NKD2: variants seen among roughly 807,000 people sequenced by gnomAD.
NKD2 encodes NKD inhibitor of Wnt signaling pathway 2, also known as protein naked cuticle homolog 2.
NKD2 carries 43 observed loss-of-function variants against 34.8 expected under a neutral mutation model. The observed-to-expected ratio is 1.24, with a 90% CI of 0.97 to 1.60. The LOEUF (loss-of-function observed/expected upper bound fraction) is 1.60, where lower values mean the gene tolerates loss of function less well. Ranked by LOEUF, NKD2 falls within the 40% of genes most tolerant of loss-of-function variation. The pLI, the probability that NKD2 is intolerant of heterozygous loss-of-function variation, is 0.00. For synonymous variants in NKD2, 278 were observed against 265.1 expected (o/e 1.05, Z -0.47); for missense variants, 675 against 627.1 (o/e 1.08, Z -0.82).
chr5:1,035,501 T>C, intron 8 of NKD2, 28 bp downstream of exon 8: 1 of 1,532,846 alleles, frequency 6.5e-7, no homozygotes. Context: ...AGGGTGGGGC[T>C]GTGCCTTAGG....
intron 3 of NKD2, among the ~76,000 whole-genome samples, chr5:1,027,393 C>A (rs1391325822): frequency 6.6e-6 from 1 of 152,218 alleles, no homozygotes; most frequent in Non-Finnish European, 1.5e-5. Flanking sequence ...TGGGGTTCCA[C>A]ACCCACTCCA....
intron 3 of NKD2, among the ~76,000 whole-genome samples, chr5:1,026,471 T>C (rs1316569680): frequency 2.1e-5 from 2 of 94,582 alleles, no homozygotes; most frequent in African/African-American, 7.8e-5. Flanking sequence ...TTGTCCCTGC[T>C]CTTCCCATCT....
At chr5:1,029,020 TA>T (rs1756536593) in intron 3 of NKD2, among the ~76,000 whole-genome samples, 1 of 152,342 alleles carries the variant, frequency 6.6e-6, no homozygotes. Flanking sequence ...GGGCAGGTTT[TA>T]TAAGTTGCAA....
chr5:1,038,799 G>A lies in NKD2; in HGVS notation c.*426G>A, dbSNP rs1734162519. 4 of 372,400 alleles carry A rather than the reference G, an allele frequency of 1.1e-5. No homozygotes were observed. The South Asian group carries it at 1.1e-4, about 10-fold the overall frequency. The allele number at this position is 372,400 out of a possible 1,614,324, so 23.1% of individuals were successfully genotyped here. A position where few individuals can be genotyped will look rare whatever the true frequency, so the allele number is the denominator to read the frequency against. On this transcript the variant is annotated 3_prime_UTR_variant, in exon 10 of 10. Coordinates refer to ENST00000296849, the MANE Select transcript of NKD2 (RefSeq NM_033120.4). This position sits in a 1 kb window ranked among gnomAD's most constrained non-coding sequence, Gnocchi z 4.5. ...TGCGAGGCCGGGAGCGAATGGAAAA[G>A]CTGAGGCTTTGCCTGGCTTGTGCAT...
intron 3 of NKD2, among the ~76,000 whole-genome samples, chr5:1,019,214 G>C (rs951075230): frequency 6.6e-6 from 1 of 152,210 alleles, no homozygotes; most frequent in South Asian, 2.1e-4. Flanking sequence ...ACCCCAAGAC[G>C]TGCTGTAAGG....
At chr5:1,018,595 G>A (rs960425315) in intron 3 of NKD2, among the ~76,000 whole-genome samples, 4 of 152,154 alleles carry the variant, frequency 2.6e-5, no homozygotes, top group African/African-American at 9.7e-5. Context: ...AGATGGTGAC[G>A]CCCAGCCCCC....
In NKD2 at chr5:1,037,978, C is replaced by T. The variant is rs1418786317; in HGVS notation, c.961C>T (p.Pro321Ser). 3.1e-6 allele frequency: 5 copies of T among 1,605,388 alleles called. No individual in the cohort carries two copies. The highest frequency in any genetic ancestry group is 3.4e-6 in the Non-Finnish European group (4 of 1,177,642). ...EPAARALDTQ[P>S]RPKGPEKQFL... ...TGCTGCCCGGGCCCTGGACACGCAG[C>T]CCCGGCCGAAGGGGCCGGAGAAGCA... The change falls in exon 10 of 10, where the codon CCC becomes TCC. Residue 321 changes from proline (P) to serine (S), a missense_variant. Physicochemically the swap from Pro to Ser is moderately conservative, Grantham distance 74 (BLOSUM62 -1). Transcript: ENST00000296849.
At chr5:1,021,905 AG>A (rs1405272046) in intron 3 of NKD2, among the ~76,000 whole-genome samples, 2 of 152,106 alleles carry the variant, frequency 1.3e-5, no homozygotes, top group Non-Finnish European at 2.9e-5. Flanking sequence ...GCTCCCCACC[AG>A]GCCCCAGGCC....
intron 3 of NKD2, among the ~76,000 whole-genome samples, chr5:1,019,565 G>T (rs1476280955): frequency 6.6e-6 from 1 of 152,186 alleles, no homozygotes; most frequent in Non-Finnish European, 1.5e-5. Flanking sequence ...TGAGATTGTC[G>T]CGTGCAGGGC....
At chr5:1,033,163 G>A (rs1361005262) in intron 4 of NKD2, among the ~76,000 whole-genome samples, 3 of 152,198 alleles carry the variant, frequency 2.0e-5, no homozygotes, top group Non-Finnish European at 4.4e-5. Flanking sequence ...GGGCCACCGT[G>A]GGCTGGTGAG....
chr5:1,034,487 G>A (rs144875853), intron 6 of NKD2, among the ~76,000 whole-genome samples, 157 bp downstream of exon 6: 1,713 of 152,292 alleles, frequency 0.011, 33 homozygotes, highest in African/African-American at 0.039. Context: ...CCCAGTTCAC[G>A]TGTGTTTCTG....
At chr5:1,024,617 C>T (rs1167451833) in intron 3 of NKD2, among the ~76,000 whole-genome samples, 2 of 83,502 alleles carry the variant, frequency 2.4e-5, no homozygotes, top group Non-Finnish European at 4.7e-5. Context: ...AGCCCATTGT[C>T]CCTGCTCTTC....
intron 3 of NKD2, among the ~76,000 whole-genome samples, chr5:1,026,366 G>A (rs556302293): frequency 2.3e-5 from 2 of 87,402 alleles, no homozygotes; most frequent in Non-Finnish European, 4.7e-5. Context: ...CCCTCTGTGG[G>A]CGTCTCGGCC....
intron 5 of NKD2, among the ~76,000 whole-genome samples, chr5:1,033,819 G>T (rs371942853): frequency 1.3e-4 from 20 of 152,220 alleles, no homozygotes; most frequent in African/African-American, 4.6e-4. Context: ...CGGACAGCCC[G>T]ACTCTCTGCC....
rs916016169 is a variant in NKD2 at position 1,038,935 on chromosome 5, G to A, written c.*562G>A. On this transcript the variant is annotated 3_prime_UTR_variant, in exon 10 of 10. Transcript: ENST00000296849. The surrounding 1 kb of genome is among the most constrained non-coding windows in gnomAD (Gnocchi z 4.5). Reference sequence around the variant, plus strand: ...CAGCAGAAGGCAGCAGTGCTAGAAAGAGAAGTGCCAGAGTAGGGAGTGCAG... The same window carrying A: ...CAGCAGAAGGCAGCAGTGCTAGAAAAAGAAGTGCCAGAGTAGGGAGTGCAG... 1 of 227,544 alleles carries A rather than the reference G, an allele frequency of 4.4e-6. No homozygotes were observed. Among genetic ancestry groups the A allele is most frequent in the Non-Finnish European group, 8.8e-6 (1 of 113,482 alleles). The allele number at this position is 227,544 out of a possible 1,614,324, so 14.1% of individuals were successfully genotyped here.
intron 9 of NKD2, chr5:1,036,873 C>A (rs1221976238): frequency 2.2e-6 from 1 of 449,598 alleles, no homozygotes; most frequent in Non-Finnish European, 4.4e-6. Flanking sequence ...GGATGGCAGG[C>A]AGGCAGTGTG....
At chr5:1,033,121 AC>A (rs1200346102) in intron 4 of NKD2, among the ~76,000 whole-genome samples, 3 of 151,940 alleles carry the variant, frequency 2.0e-5, no homozygotes, top group African/African-American at 7.3e-5. Flanking sequence ...AGTCTGCTGC[AC>A]CCCCAGCTCT....
chr5:1,017,550 C>T (rs1424678446), intron 3 of NKD2, among the ~76,000 whole-genome samples: 1 of 152,246 alleles, frequency 6.6e-6, no homozygotes, highest in Non-Finnish European at 1.5e-5. Flanking sequence ...GCAGGACCTG[C>T]ACCTCTGTTT....
chr5:1,026,131 A>G (rs1450473518), intron 3 of NKD2, among the ~76,000 whole-genome samples: 11 of 40,806 alleles, frequency 2.7e-4, no homozygotes, highest in South Asian at 1.0e-3. Context: ...GCCCCAGCCC[A>G]TTGTCCCTGC....
Sources: gnomAD v4.1 joint callset for allele counts (sites outside exome capture counted in the v4.1 genomes callset) on GRCh38, gnomAD v4.1.1 for gene constraint, Gnocchi (gnomAD v3.1) non-coding constraint, MANE v1.5 for transcripts, NCBI Gene and HGNC (gene_info 2026-07-23, HGNC 2026-07-21) for gene names.